CACNA1C: variants seen among roughly 807,000 people sequenced by gnomAD.
CACNA1C encodes calcium voltage-gated channel subunit alpha1 C.
A neutral mutation model predicts 229.0 loss-of-function variants in CACNA1C; 30 were observed. That is an observed-to-expected ratio of 0.13 (90% CI 0.10 to 0.18). The LOEUF (loss-of-function observed/expected upper bound fraction) is 0.18. Among genes scored for constraint, CACNA1C ranks in the 10% least tolerant of loss-of-function variants. CACNA1C has a pLI of 1.00. For missense variants in CACNA1C, 1,658 were observed against 2,845.0 expected, an observed-to-expected ratio of 0.58 and a Z score of 9.49; for synonymous variants, 1,114 against 1,132.5, an observed-to-expected ratio of 0.98 and a Z score of 0.33.
At position 2,356,917 on chromosome 12, in the gene CACNA1C, C is replaced by T. The variant is rs562205193; in HGVS notation, c.478-92059C>T. Among the ~76,000 whole-genome samples the T allele has an allele frequency of 4.6e-5, 7 of 152,298 alleles. No homozygotes were observed. The South Asian group carries it at 1.5e-3, about 32-fold the overall frequency. On this transcript the variant is annotated intron_variant, in intron 3 of 46. Coordinates refer to ENST00000399655, the MANE Select transcript of CACNA1C (RefSeq NM_000719.7). ...CACACAGCTAGTATGCAATAATGAC[C>T]GGTTTCAAACTCAGAGTCCATGCCT...
rs376053447 is a variant in CACNA1C, at chr12:2,506,406, G to T, written c.1217+1461G>T. Among the ~76,000 whole-genome samples the T allele has an allele frequency of 5.4e-4, 82 of 152,274 alleles. No homozygotes were observed. In the South Asian group the frequency reaches 0.016, roughly 30 times the overall value. ...CCTTGCTGGGTACATAATGTTGGGT[G>T]GTTTCACCTTTTTAAATCTTAGTTT... is the stretch of plus-strand genomic sequence containing the variant. On this transcript the variant is annotated intron_variant, in intron 8 of 46. Transcript: ENST00000399655.
intron 3 of CACNA1C, among the ~76,000 whole-genome samples, chr12:2,351,803 T>TCCCTAC (rs1228503272): frequency 2.0e-5 from 3 of 152,112 alleles, no homozygotes. Flanking sequence ...GCTGCCCCTT[T>TCCCTAC]CCCTACCCCT....
chr12:2,368,485 A>G (rs184582178), intron 3 of CACNA1C, among the ~76,000 whole-genome samples: 65 of 152,340 alleles, frequency 4.3e-4, no homozygotes, highest in African/African-American at 1.5e-3. Context: ...ACCAAAAATG[A>G]CCATCTGGAA....
intron 3 of CACNA1C, among the ~76,000 whole-genome samples, chr12:2,360,310 C>T (rs1414968234): frequency 6.6e-6 from 1 of 152,024 alleles, no homozygotes; most frequent in Non-Finnish European, 1.5e-5. Context: ...TGCAGCATCC[C>T]GCTAGATCTT....
At chr12:2,167,934 AT>A (rs2096306868) in intron 3 of CACNA1C, among the ~76,000 whole-genome samples, 1 of 152,164 alleles carries the variant, frequency 6.6e-6, no homozygotes, top group Non-Finnish European at 1.5e-5. Context: ...GCAAATAGGT[AT>A]TTTTAATTTT....
rs112680750 is a variant in CACNA1C, at chr12:2,120,656, CTGTGTGTGTG to C, written c.477+258_477+267del. On this transcript the variant is annotated intron_variant, in intron 3 of 46. Transcript: ENST00000399655. ...TATTCCAGTTAGGTGGTGGTGAGCT[CTGTGTGTGTG>C]TGTGTGTGTGTGTGTGTGTGTGTGT... Among the ~76,000 whole-genome samples the C allele has an allele frequency of 4.7e-4, 66 of 139,854 alleles. No homozygotes were observed. In the East Asian group the frequency reaches 0.01, roughly 22 times the overall value. 91.7% of individuals were successfully genotyped at this position (139,854 alleles called of 152,430 possible). A position where few individuals can be genotyped will look rare whatever the true frequency, so the allele number is the denominator to read the frequency against.
At chr12:2,345,290 A>G (rs957348094) in intron 3 of CACNA1C, among the ~76,000 whole-genome samples, 1 of 151,932 alleles carries the variant, frequency 6.6e-6, no homozygotes, top group Non-Finnish European at 1.5e-5. Context: ...CAAGGCTCGA[A>G]CAGGCAGCTC....
At chr12:2,290,161 C>A (rs1172129914) in intron 3 of CACNA1C, among the ~76,000 whole-genome samples, 3 of 152,186 alleles carry the variant, frequency 2.0e-5, no homozygotes, top group Non-Finnish European at 4.4e-5. Flanking sequence ...ATTGGCCCGG[C>A]AGAGCTGGAG....
intron 1 of CACNA1C, among the ~76,000 whole-genome samples, chr12:2,106,215 C>T (rs12812791): frequency 3.5e-4 from 19 of 54,334 alleles, no homozygotes; most frequent in African/African-American, 8.5e-4. Context: ...CACTGGGTGC[C>T]CACCCCGGAG....
intron 3 of CACNA1C, among the ~76,000 whole-genome samples, chr12:2,335,748 C>T (rs2096672745): frequency 6.6e-6 from 1 of 152,168 alleles, no homozygotes; most frequent in East Asian, 1.9e-4. Flanking sequence ...CCCAACCTCC[C>T]TGCAGGCTGT....
At chr12:2,644,178 T>C (rs1179879514) in intron 30 of CACNA1C, among the ~76,000 whole-genome samples, 2 of 152,232 alleles carry the variant, frequency 1.3e-5, no homozygotes, top group Non-Finnish European at 2.9e-5. Context: ...GGAATCTTAG[T>C]GACACTGAGG....
chr12:2,691,447 C>A lies in CACNA1C; in HGVS notation c.*248C>A. ...GGGGCGCGAGGAAGGCGCCTGCCCT[C>A]TCCCAGCTCGCAGGCCCCGGGCCCG... On this transcript the variant is annotated 3_prime_UTR_variant, in exon 47 of 47. Coordinates refer to ENST00000399655, the MANE Select transcript of CACNA1C (RefSeq NM_000719.7). The A allele has an allele frequency of 2.5e-6, 1 of 392,342 alleles. No individual in the cohort carries two copies. Among genetic ancestry groups the A allele is most frequent in the Non-Finnish European group, 4.4e-6 (1 of 225,462 alleles). The allele number at this position is 392,342 out of a possible 1,614,324, so 24.3% of individuals were successfully genotyped here. A position where few individuals can be genotyped will look rare whatever the true frequency, so the allele number is the denominator to read the frequency against.
At position 2,479,222 on chromosome 12, in the gene CACNA1C, T is replaced by C. The variant is rs546414758; in HGVS notation, c.758-6882T>C. Among the ~76,000 whole-genome samples, 628 of 152,266 alleles carry C rather than the reference T, an allele frequency of 4.1e-3. 7 individuals carry two copies. Among genetic ancestry groups the C allele is most frequent in the African/African-American group, 0.015 (603 of 41,556 alleles). ...TTTAAAAATTGTTTTAAATTTTCTT[T>C]TTGTTTTTTAGAGACAGGGTCTTGT... On this transcript the variant is annotated intron_variant, in intron 5 of 46. Transcript: ENST00000399655. This position sits in a 1 kb window ranked among gnomAD's most constrained non-coding sequence, Gnocchi z 4.3.
intron 5 of CACNA1C, among the ~76,000 whole-genome samples, chr12:2,483,287 A>C (rs1360842702): frequency 6.6e-6 from 1 of 152,336 alleles, no homozygotes. Context: ...TGCAGGTGAC[A>C]GGGAGTCACT....
rs1486863832 is a variant in CACNA1C, at chr12:2,204,804, GA to G, written c.477+84375del. On this transcript the variant is annotated intron_variant, in intron 3 of 46. Transcript: ENST00000399655. ...TCTGGGGACTGTGGTGGGGTTGGGG[GA>G]GGGGGGAGGGATAGCATTGGGAGAT... 4.8e-5 allele frequency among the ~76,000 whole-genome samples: 5 copies of G among 104,492 alleles called. No homozygotes were observed. In the South Asian group the frequency reaches 1.8e-3, roughly 38 times the overall value. The allele number at this position is 104,492 out of a possible 152,430, so 68.6% of individuals were successfully genotyped here. A position where few individuals can be genotyped will look rare whatever the true frequency, so the allele number is the denominator to read the frequency against.
At chr12:2,400,113 C>G (rs2098656134) in intron 3 of CACNA1C, among the ~76,000 whole-genome samples, 1 of 152,182 alleles carries the variant, frequency 6.6e-6, no homozygotes, top group African/African-American at 2.4e-5. Flanking sequence ...TGCATTATCT[C>G]ATTTATTCCT....
At position 2,067,481 on chromosome 12, in the gene CACNA1C, T is replaced by TGTGTGTGTGTGTGTGTGTGTGTGTGC. The variant is rs3085990; in HGVS notation, c.49+13871_49+13872insTGTGTGTGTGTGTGTGTGTGTGTGCG. 7.1e-6 allele frequency among the ~76,000 whole-genome samples: 1 copy of TGTGTGTGTGTGTGTGTGTGTGTGTGC among 140,892 alleles called. No individual in the cohort carries two copies. The highest frequency in any genetic ancestry group is 1.5e-5 in the Non-Finnish European group (1 of 65,680). 92.4% of individuals were successfully genotyped at this position (140,892 alleles called of 152,430 possible). On this transcript the variant is annotated intron_variant, in intron 1 of 46. Coordinates refer to ENST00000399655, the MANE Select transcript of CACNA1C (RefSeq NM_000719.7). This position sits in a 1 kb window ranked among gnomAD's most constrained non-coding sequence, Gnocchi z 5.3. Reference sequence around the variant, plus strand: ...GTGTGTGTGTGTGTGTGTGTGTGTGTGCGCGCGTGTGCGTGCCTGTATGTA... The same window carrying TGTGTGTGTGTGTGTGTGTGTGTGTGC: ...GTGTGTGTGTGTGTGTGTGTGTGTGTGTGTGTGTGTGTGTGTGTGTGTGTGCGCGCGCGTGTGCGTGCCTGTATGTA...
At chr12:2,427,195 T>G (rs1358432781) in intron 3 of CACNA1C, among the ~76,000 whole-genome samples, 1 of 152,152 alleles carries the variant, frequency 6.6e-6, no homozygotes, top group Non-Finnish European at 1.5e-5. Context: ...CAATCTGCAA[T>G]GAAGGTTTAT....
intron 1 of CACNA1C, among the ~76,000 whole-genome samples, chr12:2,009,306 C>T (rs2043997323): frequency 6.6e-6 from 1 of 152,182 alleles, no homozygotes; most frequent in South Asian, 2.1e-4. Context: ...AGACAAAATT[C>T]AGCATCTAAT....
Sources: allele counts gnomAD v4.1 joint callset (sites outside exome capture counted in the v4.1 genomes callset), GRCh38; gene constraint gnomAD v4.1.1; non-coding constraint Gnocchi (gnomAD v3.1); transcripts MANE v1.5; gene names NCBI Gene and HGNC (gene_info 2026-07-23, HGNC 2026-07-21).